PRDM1: variants seen among roughly 807,000 people sequenced by gnomAD.
PRDM1 encodes PR/SET domain 1.
Under a neutral mutation model 62.8 loss-of-function variants are expected in PRDM1, and 13 were observed. The observed-to-expected ratio is 0.21, with a 90% confidence interval of 0.13 to 0.33. PRDM1 has a LOEUF of 0.33. Ranked by LOEUF, PRDM1 falls within the 10% of genes least tolerant of loss-of-function variation. The pLI, the probability that PRDM1 is intolerant of heterozygous loss-of-function variation, is 1.00. For synonymous variants in PRDM1, 396 were observed against 417.6 expected (o/e 0.95, Z 0.63); for missense variants, 895 against 1,058.8 (o/e 0.85, Z 2.15).
At chr6:105,999,275 G>T (rs2114540665) in intron 1 of PRDM1, among the ~76,000 whole-genome samples, 1 of 152,040 alleles carries the variant, frequency 6.6e-6, no homozygotes, top group Middle Eastern at 3.4e-3. Context: ...AAAACAGGGG[G>T]TTGGGCAGCA....
intron 4 of PRDM1, chr6:106,100,466 ACTTAC>A (rs1774235972): frequency 6.6e-6 from 1 of 152,250 alleles, no homozygotes; most frequent in African/African-American, 2.4e-5. Context: ...AAGAATTTCC[ACTTAC>A]CCTTTACCCA....
chr6:105,997,749 G>A (rs907187028), intron 1 of PRDM1, among the ~76,000 whole-genome samples: 3 of 152,260 alleles, frequency 2.0e-5, no homozygotes, highest in East Asian at 1.9e-4. Flanking sequence ...TAAAATCATC[G>A]GAGGCATTAC....
intron 1 of PRDM1, among the ~76,000 whole-genome samples, chr6:106,014,559 G>C (rs4946716): frequency 0.91 from 138,085 of 151,662 alleles, 62,986 homozygotes; most frequent in African/African-American, 0.96. Context: ...TATGATCTAC[G>C]TTTAATCTAT....
intron 1 of PRDM1, among the ~76,000 whole-genome samples, chr6:106,031,124 G>T (rs1772838983): frequency 6.6e-6 from 1 of 151,186 alleles, no homozygotes; most frequent in Admixed American, 6.6e-5. Flanking sequence ...TTGGCATTCT[G>T]GTAAGTTTAT....
Position 106,109,131 on chromosome 6 carries a change from A to G in PRDM1, c.*1645A>G, listed in dbSNP as rs1017478799. The G allele has an allele frequency of 4.9e-6, 1 of 203,690 alleles. No homozygotes were observed. Among genetic ancestry groups the G allele is most frequent in the Non-Finnish European group, 9.9e-6 (1 of 100,934 alleles). 12.6% of individuals were successfully genotyped at this position (203,690 alleles called of 1,614,324 possible). On this transcript the variant is annotated 3_prime_UTR_variant, in exon 7 of 7. Coordinates refer to ENST00000369096, the MANE Select transcript of PRDM1 (RefSeq NM_001198.4). ...AAAAAAAAGAACACTCCTTTCTGAG[A>G]CTTTGCTTAATACTTGGTGACCTCA...
At chr6:106,081,041 C>T (rs1372588634) in intron 1 of PRDM1, among the ~76,000 whole-genome samples, 1 of 152,188 alleles carries the variant, frequency 6.6e-6, no homozygotes, top group Non-Finnish European at 1.5e-5. Flanking sequence ...CCCAGCTTTT[C>T]CTTAGTCAAC....
upstream of PRDM1, chr6:106,045,970 C>T (rs1009980238): frequency 2.0e-5 from 3 of 152,156 alleles, no homozygotes; most frequent in African/African-American, 7.2e-5. Context: ...ATAAAATACA[C>T]TGTCACACTT....
Position 106,108,268 on chromosome 6 carries a change from A to T in PRDM1, c.*782A>T, listed in dbSNP as rs1257835905. 1.7e-5 allele frequency: 4 copies of T among 233,736 alleles called. No homozygotes were observed. Among genetic ancestry groups the T allele is most frequent in the Non-Finnish European group, 3.4e-5 (4 of 117,994 alleles). The allele number at this position is 233,736 out of a possible 1,614,324, so 14.5% of individuals were successfully genotyped here. ...ACAATTTTACCGGAAGGGTGACAGG[A>T]AGGCTTTACCAACCTGTCTCTCCCT... On this transcript the variant is annotated 3_prime_UTR_variant, in exon 7 of 7. Transcript: ENST00000369096.
chr6:106,024,245 T>A (rs4478446), intron 1 of PRDM1, among the ~76,000 whole-genome samples: 97,967 of 152,042 alleles, frequency 0.64, 32,128 homozygotes, highest in East Asian at 0.83. Context: ...CCTACGGCTG[T>A]CTGCACATGG....
intron 1 of PRDM1, among the ~76,000 whole-genome samples, chr6:106,053,277 A>C (rs1773207868): frequency 2.0e-5 from 3 of 152,272 alleles, no homozygotes; most frequent in South Asian, 4.1e-4. Flanking sequence ...CAAATAATTT[A>C]ATTTGAATTT....
chr6:106,034,635 C>CTCTCTTTTTTT, intron 1 of PRDM1, among the ~76,000 whole-genome samples: 1 of 88,418 alleles, frequency 1.1e-5, no homozygotes, highest in Non-Finnish European at 2.0e-5. Context: ...TGTTCTCTCT[C>CTCTCTTTTTTT]TTTTTTTTTT....
At chr6:106,098,100 T>C (rs1046750327) in intron 3 of PRDM1, 2 of 555,856 alleles carry the variant, frequency 3.6e-6, no homozygotes, top group South Asian at 7.8e-5. Context: ...TAGACTAGCA[T>C]AGTCGGTACG....
At chr6:106,101,390 T>C (rs1315345489) in intron 4 of PRDM1, among the ~76,000 whole-genome samples, 1 of 152,208 alleles carries the variant, frequency 6.6e-6, no homozygotes, top group Non-Finnish European at 1.5e-5. Context: ...TTGCACAGTA[T>C]TTTAAGGTTC....
At chr6:106,076,239 T>C (rs887660171) in intron 1 of PRDM1, among the ~76,000 whole-genome samples, 1 of 152,166 alleles carries the variant, frequency 6.6e-6, no homozygotes, top group East Asian at 1.9e-4. Flanking sequence ...GTGCTGGCAT[T>C]ACAGGCGTGA....
intron 2 of PRDM1, among the ~76,000 whole-genome samples, chr6:106,091,835 T>A (rs1439965997): frequency 6.6e-6 from 1 of 152,082 alleles, no homozygotes; most frequent in Non-Finnish European, 1.5e-5. Flanking sequence ...CAAAACCCTG[T>A]TTCTAAATAA....
Position 106,106,802 on chromosome 6 carries a change from T to A in PRDM1, c.1903-109T>A, listed in dbSNP as rs1273931460. ...AGGTGCCACAAGGAGGCTTCTCACC[T>A]CCTAGGTTGCTGGGCGTTGGCCGGT... On this transcript the variant is annotated intron_variant, in intron 6 of 6. Transcript: ENST00000369096. The surrounding 1 kb of genome is among the most constrained non-coding windows in gnomAD (Gnocchi z 4.4). The A allele has an allele frequency of 7.1e-6, 9 of 1,276,508 alleles. No individual in the cohort carries two copies. Among genetic ancestry groups the A allele is most frequent in the Non-Finnish European group, 8.7e-6 (8 of 921,878 alleles). 79.1% of individuals were successfully genotyped at this position (1,276,508 alleles called of 1,614,324 possible). A position where few individuals can be genotyped will look rare whatever the true frequency, so the allele number is the denominator to read the frequency against.
At chr6:106,092,961 T>G (rs1174620590) in intron 2 of PRDM1, among the ~76,000 whole-genome samples, 4 of 152,202 alleles carry the variant, frequency 2.6e-5, no homozygotes, top group Non-Finnish European at 5.9e-5. Context: ...TAATTGAAAT[T>G]TAAAATATTA....
chr6:106,086,648 A>T, intron 1 of PRDM1, 53 bp downstream of exon 1: 1 of 1,457,274 alleles, frequency 6.9e-7, no homozygotes, highest in Non-Finnish European at 9.4e-7. Flanking sequence ...TGAAAACTTT[A>T]TTTTCTTTTC....
At chr6:106,097,441 T>C (rs1774142160) in intron 3 of PRDM1, among the ~76,000 whole-genome samples, 1 of 152,228 alleles carries the variant, frequency 6.6e-6, no homozygotes, top group Non-Finnish European at 1.5e-5. Flanking sequence ...GCAAAGGATA[T>C]TGTAGAACAT....
Sources: gnomAD v4.1 joint callset for allele counts (sites outside exome capture counted in the v4.1 genomes callset) on GRCh38, gnomAD v4.1.1 for gene constraint, Gnocchi (gnomAD v3.1) non-coding constraint, MANE v1.5 for transcripts, NCBI Gene and HGNC (gene_info 2026-07-23, HGNC 2026-07-21) for gene names.